The following TGFBR3 variants were observed in gnomAD, a reference collection of about 807,000 sequenced individuals.
The protein encoded by TGFBR3 is transforming growth factor beta receptor 3, also known as transforming growth factor beta receptor type 3.
Under a neutral mutation model 87.9 loss-of-function variants are expected in TGFBR3, and 46 were observed. The ratio of observed to expected loss-of-function variants is 0.52; its 90% CI spans 0.41 to 0.67. The LOEUF (loss-of-function observed/expected upper bound fraction) is 0.67. Among genes scored for constraint, TGFBR3 ranks in the 30% least tolerant of loss-of-function variants. TGFBR3 has a pLI of 0.00. For missense variants in TGFBR3, 866 were observed against 1,041.9 expected, an observed-to-expected ratio of 0.83 and a Z score of 2.32; for synonymous variants, 381 against 391.6, an observed-to-expected ratio of 0.97 and a Z score of 0.32.
At chr1:91,709,858 C>T (rs1461626659) in intron 13 of TGFBR3, among the ~76,000 whole-genome samples, 1 of 152,092 alleles carries the variant, frequency 6.6e-6, no homozygotes, top group Non-Finnish European at 1.5e-5. Context: ...GCCTCATGGG[C>T]TCAAGTCATA....
At chr1:91,747,170 T>C (rs1557689742) in intron 4 of TGFBR3, among the ~76,000 whole-genome samples, 1 of 152,206 alleles carries the variant, frequency 6.6e-6, no homozygotes, top group Non-Finnish European at 1.5e-5. Flanking sequence ...CCAAAAATGA[T>C]GCTCTTTCCA....
intron 4 of TGFBR3, among the ~76,000 whole-genome samples, chr1:91,748,772 C>T (rs2100864572): frequency 6.6e-6 from 1 of 151,900 alleles, no homozygotes; most frequent in South Asian, 2.1e-4. Context: ...TTACTGAGTA[C>T]TTACTAAGCA....
intron 2 of TGFBR3, among the ~76,000 whole-genome samples, chr1:91,841,419 C>G (rs2799522): frequency 0.14 from 21,899 of 152,170 alleles, 2,017 homozygotes; most frequent in East Asian, 0.38. Flanking sequence ...GTACTGCCTT[C>G]ATTCCTGCTG....
chr1:91,829,116 C>A (rs1252710067), intron 2 of TGFBR3, among the ~76,000 whole-genome samples: 2 of 152,096 alleles, frequency 1.3e-5, no homozygotes, highest in African/African-American at 4.8e-5. Flanking sequence ...TGGCTCACAC[C>A]TGTAATCCCA....
At position 91,681,435 on chromosome 1, in the gene TGFBR3, A is replaced by C. The variant is rs1300453132; in HGVS notation, c.*2304T>G. 1 of 359,596 alleles carries C rather than the reference A, an allele frequency of 2.8e-6. No individual in the cohort carries two copies. Among genetic ancestry groups the C allele is most frequent in the Non-Finnish European group, 5.3e-6 (1 of 189,366 alleles). The allele number at this position is 359,596 out of a possible 1,614,324, so 22.3% of individuals were successfully genotyped here. A position where few individuals can be genotyped will look rare whatever the true frequency, so the allele number is the denominator to read the frequency against. Reference sequence around the variant, plus strand: ...TAAAAAGATCTTTTGGTTTGCATCTATAAATTTGTAAATTAATTTTAAATT... The same window carrying C: ...TAAAAAGATCTTTTGGTTTGCATCTCTAAATTTGTAAATTAATTTTAAATT... On this transcript the variant is annotated 3_prime_UTR_variant, in exon 17 of 17. Coordinates refer to ENST00000212355, the MANE Select transcript of TGFBR3 (RefSeq NM_003243.5).
At chr1:91,706,183 A>C (rs932238638) in intron 14 of TGFBR3, among the ~76,000 whole-genome samples, 7 of 152,234 alleles carry the variant, frequency 4.6e-5, no homozygotes, top group Non-Finnish European at 8.8e-5. Flanking sequence ...GAACCAGAGC[A>C]ACTCTACCTT....
Position 91,719,510 on chromosome 1 carries a change from T to C in TGFBR3, c.1414-46A>G, listed in dbSNP as rs773346603. The C allele has an allele frequency of 7.4e-6, 12 of 1,611,592 alleles. No homozygotes were observed. The East Asian group carries it at 2.5e-4, about 33-fold the overall frequency. On this transcript the variant is annotated intron_variant, in intron 9 of 16. Transcript: ENST00000212355. ...GACATGGTTGGAGGCCCACAGGCAG[T>C]TCTGTTGTATAATTGACACAATTGA... is the stretch of plus-strand genomic sequence containing the variant.
chr1:91,844,028 G>A (rs190558704), intron 2 of TGFBR3, among the ~76,000 whole-genome samples: 7 of 152,306 alleles, frequency 4.6e-5, no homozygotes, highest in Non-Finnish European at 2.9e-5. Flanking sequence ...ACGGCCTGAT[G>A]GAAAGGCACA....
chr1:91,799,410 G>A (rs1675516739), intron 2 of TGFBR3, among the ~76,000 whole-genome samples: 1 of 152,190 alleles, frequency 6.6e-6, no homozygotes, highest in Admixed American at 6.5e-5. Flanking sequence ...GCGGGGTGCG[G>A]GGAAACCATA....
chr1:91,753,958 A>C (rs756887808), intron 4 of TGFBR3, among the ~76,000 whole-genome samples: 11 of 152,204 alleles, frequency 7.2e-5, no homozygotes, highest in African/African-American at 1.2e-4. Flanking sequence ...TTTCCACAGA[A>C]CCATTTTACA....
At chr1:91,685,763 C>G (rs1671070653) in intron 16 of TGFBR3, among the ~76,000 whole-genome samples, 1 of 152,082 alleles carries the variant, frequency 6.6e-6, no homozygotes, top group Admixed American at 6.5e-5. Context: ...TTCACTTTCC[C>G]CAGAGTAGGA....
intron 3 of TGFBR3, among the ~76,000 whole-genome samples, chr1:91,795,119 T>C (rs1675328848): frequency 6.6e-6 from 1 of 152,230 alleles, no homozygotes; most frequent in South Asian, 2.1e-4. Flanking sequence ...CTCTGAGATC[T>C]GCCGTATGTG....
chr1:91,848,705 T>C (rs2101136370), intron 2 of TGFBR3, among the ~76,000 whole-genome samples: 1 of 152,332 alleles, frequency 6.6e-6, no homozygotes, highest in Middle Eastern at 3.4e-3. Context: ...TTTACAACAC[T>C]GTAAGAAGCA....
intron 3 of TGFBR3, among the ~76,000 whole-genome samples, chr1:91,780,854 G>C (rs1298339969): frequency 6.7e-6 from 1 of 149,196 alleles, no homozygotes; most frequent in African/African-American, 2.5e-5. Flanking sequence ...CACTGCACCC[G>C]GCCTTCCTAA....
intron 1 of TGFBR3, among the ~76,000 whole-genome samples, chr1:91,874,297 C>T (rs903021790): frequency 2.6e-5 from 4 of 152,124 alleles, no homozygotes; most frequent in African/African-American, 9.7e-5. Context: ...GGAAACAGCA[C>T]ATGCAAAGGC....
intron 3 of TGFBR3, among the ~76,000 whole-genome samples, 157 bp from the exon 4 acceptor site, chr1:91,758,907 CA>C (rs2100895897): frequency 6.6e-6 from 1 of 152,284 alleles, no homozygotes; most frequent in Admixed American, 6.5e-5. Context: ...TAAGTTGAAC[CA>C]GATGATATTG....
At chr1:91,806,331 TGGCG>T (rs1675825765) in intron 2 of TGFBR3, among the ~76,000 whole-genome samples, 1 of 152,204 alleles carries the variant, frequency 6.6e-6, no homozygotes, top group Non-Finnish European at 1.5e-5. Flanking sequence ...ACATCCCTGC[TGGCG>T]GTGGGCCAGC....
intron 9 of TGFBR3, 86 bp downstream of exon 9, chr1:91,719,807 G>C: frequency 6.8e-7 from 1 of 1,470,110 alleles, no homozygotes; most frequent in East Asian, 2.3e-5. Context: ...AAAAATGAAA[G>C]AGATAGGGAG....
chr1:91,797,159 T>A (rs1557715521), intron 3 of TGFBR3, 128 bp downstream of exon 3: 1 of 1,053,842 alleles, frequency 9.5e-7, no homozygotes, highest in Non-Finnish European at 1.5e-6. Flanking sequence ...GTATTTTAAA[T>A]CTGTTCTCTT....
Sources: gnomAD v4.1 joint callset for allele counts (sites outside exome capture counted in the v4.1 genomes callset) on GRCh38, gnomAD v4.1.1 for gene constraint, MANE v1.5 for transcripts, NCBI Gene and HGNC (gene_info 2026-07-23, HGNC 2026-07-21) for gene names.